Variants in ITPR3 observed in about 807,000 individuals in gnomAD.
The protein encoded by ITPR3 is inositol 1,4,5-trisphosphate-gated calcium channel ITPR3.
In ITPR3, 173 loss-of-function variants were observed where a neutral mutation model predicts 293.2. The observed-to-expected ratio is 0.59, with a 90% CI of 0.52 to 0.67. The LOEUF is 0.67. ITPR3 is among the 30% of genes least tolerant of loss of function. The pLI is 0.00. For missense variants in ITPR3, 2,796 were observed against 3,592.1 expected, an observed-to-expected ratio of 0.78 and a Z score of 5.66; for synonymous variants, 1,295 against 1,444.4, an observed-to-expected ratio of 0.90 and a Z score of 2.35.
intron 27 of ITPR3, 37 bp from the exon 28 acceptor site, chr6:33,677,467 T>C (rs1164487751): frequency 1.2e-6 from 2 of 1,609,284 alleles, no homozygotes; most frequent in Non-Finnish European, 1.7e-6. Flanking sequence ...GCCTGAGAAG[T>C]AGGGAAGGGG....
intron 1 of ITPR3, among the ~76,000 whole-genome samples, chr6:33,630,087 C>CA (rs1180681597): frequency 4.8e-4 from 72 of 150,302 alleles, no homozygotes; most frequent in African/African-American, 1.5e-3. Flanking sequence ...GAGACTCCGT[C>CA]AAAAAAAAAG....
chr6:33,640,312 G>A (rs1460378732), intron 1 of ITPR3, among the ~76,000 whole-genome samples, 172 bp from the exon 2 acceptor site: 1 of 152,164 alleles, frequency 6.6e-6, no homozygotes, highest in Non-Finnish European at 1.5e-5. Context: ...GAGACACCTT[G>A]CCTTTCAACG....
In ITPR3 at chr6:33,683,183, A is replaced by G. The variant is rs767837123; in HGVS notation, c.4598-24A>G. The G allele has an allele frequency of 6.1e-6, 9 of 1,485,232 alleles. No homozygotes were observed. Among genetic ancestry groups the G allele is most frequent in the Non-Finnish European group, 8.1e-6 (9 of 1,107,374 alleles). 92.0% of individuals were successfully genotyped at this position (1,485,232 alleles called of 1,614,324 possible). A position where few individuals can be genotyped will look rare whatever the true frequency, so the allele number is the denominator to read the frequency against. ...TGAACTGCCCCCGCACCAGCACTCC[A>G]GCACTCCCTCCCTTCCCACCCAGCC... is the stretch of plus-strand genomic sequence containing the variant. On this transcript the variant is annotated intron_variant, in intron 34 of 57. Transcript: ENST00000605930. This position sits in a 1 kb window ranked among gnomAD's most constrained non-coding sequence, Gnocchi z 4.5.
intron 1 of ITPR3, among the ~76,000 whole-genome samples, chr6:33,639,406 C>A (rs558728337): frequency 8.6e-5 from 13 of 151,442 alleles, no homozygotes; most frequent in African/African-American, 2.9e-4. Context: ...CAGAAAAGAC[C>A]TTGTTAACCA....
At chr6:33,625,450 A>G (rs1207779836) in intron 1 of ITPR3, among the ~76,000 whole-genome samples, 1 of 152,074 alleles carries the variant, frequency 6.6e-6, no homozygotes, top group African/African-American at 2.4e-5. Flanking sequence ...GCTGGTCTCA[A>G]ACTCCCGACC....
At chr6:33,642,484 C>T (rs1054064437) in intron 2 of ITPR3, among the ~76,000 whole-genome samples, 1 of 151,912 alleles carries the variant, frequency 6.6e-6, no homozygotes, top group Non-Finnish European at 1.5e-5. Context: ...GCATGTGTGT[C>T]GAGGTGTGTG....
At chr6:33,639,748 G>T (rs1732559310) in intron 1 of ITPR3, among the ~76,000 whole-genome samples, 1 of 152,016 alleles carries the variant, frequency 6.6e-6, no homozygotes, top group Non-Finnish European at 1.5e-5. Flanking sequence ...ATAGATGGAT[G>T]ATTGGGGGCT....
chr6:33,628,378 CT>C (rs368228521), intron 1 of ITPR3, among the ~76,000 whole-genome samples: 24 of 152,348 alleles, frequency 1.6e-4, no homozygotes, highest in African/African-American at 5.1e-4. Context: ...TCTGAGCCCC[CT>C]GGGTATGTCA....
chr6:33,692,580 T>A lies in ITPR3; in HGVS notation c.7459-148T>A. The A allele has an allele frequency of 1.4e-6, 1 of 705,864 alleles. No homozygotes were observed. The allele number at this position is 705,864 out of a possible 1,614,324, so 43.7% of individuals were successfully genotyped here. On this transcript the variant is annotated intron_variant, in intron 54 of 57. Transcript: ENST00000605930. The surrounding 1 kb of genome is among the most constrained non-coding windows in gnomAD (Gnocchi z 4.2). ...GAGCCAGGTTGGGTCCACTCTGCCA[T>A]CTGATGGCCCCCAGGCCAGAGGCCC...
At position 33,668,077 on chromosome 6, in the gene ITPR3, T is replaced by C. The variant is rs4713651; in HGVS notation, c.1886+113T>C. 986,890 of 1,176,478 alleles carry C rather than the reference T, an allele frequency of 0.84. 414,753 individuals carry two copies. Among genetic ancestry groups the C allele is most frequent in the South Asian group, 0.93 (65,295 of 69,888 alleles). 72.9% of individuals were successfully genotyped at this position (1,176,478 alleles called of 1,614,324 possible). ...CTGCACCTGTTGGTAACTGCCACCC[T>C]GAATAGCACTGGGTGGCTCAGCACT... On this transcript the variant is annotated intron_variant, in intron 16 of 57. Coordinates refer to ENST00000605930, the MANE Select transcript of ITPR3 (RefSeq NM_002224.4).
chr6:33,659,406 C>G, intron 6 of ITPR3, 60 bp from the exon 7 acceptor site: 1 of 1,463,852 alleles, frequency 6.8e-7, no homozygotes, highest in Non-Finnish European at 9.6e-7. Context: ...TTCAGCCCTG[C>G]TCTGGGCCCT....
intron 1 of ITPR3, among the ~76,000 whole-genome samples, chr6:33,636,214 A>G (rs1483657760): frequency 6.6e-6 from 1 of 151,546 alleles, no homozygotes; most frequent in Non-Finnish European, 1.5e-5. Flanking sequence ...AGGCAGGAGA[A>G]TTGCTTGAAC....
At position 33,677,523 on chromosome 6, in the gene ITPR3, A is replaced by G; in HGVS notation, c.3542A>G (p.Lys1181Arg). ...CTGCAGATCCTGGAAAGGCTGAACAAGATGTGCGGGGTTGGGGAGCAAATG... is the reference window on the plus strand; with the variant it reads ...CTGCAGATCCTGGAAAGGCTGAACAGGATGTGCGGGGTTGGGGAGCAAATG... ...IVKGILERLNKMCGVGEQMRK... is the reference protein window; with the variant it reads ...IVKGILERLNRMCGVGEQMRK... The change falls in exon 28 of 58, where the codon AAG (lysine) becomes AGG (arginine). Residue 1181 changes from lysine to arginine, a missense_variant. Physicochemically the swap from Lys to Arg is conservative, Grantham distance 26. Around this residue, in one of 8 missense-constraint regions of ITPR3, gnomAD observed 344 missense variants for 460.3 expected, o/e 0.75. Coordinates refer to ENST00000605930, the MANE Select transcript of ITPR3 (RefSeq NM_002224.4). The G allele has an allele frequency of 1.2e-6, 2 of 1,613,972 alleles. No individual in the cohort carries two copies. Among genetic ancestry groups the G allele is most frequent in the East Asian group, 4.5e-5 (2 of 44,872 alleles).
Position 33,678,705 on chromosome 6 carries a change from G to A in ITPR3, c.3838G>A (p.Glu1280Lys), listed in dbSNP as rs750400214. 3.7e-6 allele frequency: 6 copies of A among 1,613,242 alleles called. No individual in the cohort carries two copies. Among genetic ancestry groups the A allele is most frequent in the African/African-American group, 1.3e-5 (1 of 74,930 alleles). ...CTATCAGCTCTGCTCCGAGATCAGC[G>A]AGCCTGTGTTGCAGCACTTCGTGCA... Reference protein sequence around the residue: ...NNYQLCSEISEPVLQHFVHLL... With the variant: ...NNYQLCSEISKPVLQHFVHLL... The change falls in exon 30 of 58, where the codon GAG becomes AAG. Residue 1280 changes from glutamate (E) to lysine (K), a missense_variant. Glu to Lys is a moderately conservative substitution (Grantham distance 56, BLOSUM62 1). Transcript: ENST00000605930.
rs139015128 is a variant in ITPR3, at chr6:33,674,760, T to C, written c.3116+495T>C. Among the ~76,000 whole-genome samples the C allele has an allele frequency of 4.8e-3, 737 of 152,332 alleles. 4 individuals carry two copies. Among genetic ancestry groups the C allele is most frequent in the African/African-American group, 0.016 (675 of 41,560 alleles). On this transcript the variant is annotated intron_variant, in intron 24 of 57. Coordinates refer to ENST00000605930, the MANE Select transcript of ITPR3 (RefSeq NM_002224.4). ...CACATAACAAGACAAAGGGAACCAG[T>C]GGCTTGGAGCGAGTTATCAAAATAT...
In ITPR3 at chr6:33,682,810, G is replaced by A. The variant is rs1294060645; in HGVS notation, c.4597+166G>A. On this transcript the variant is annotated intron_variant, in intron 34 of 57. Coordinates refer to ENST00000605930, the MANE Select transcript of ITPR3 (RefSeq NM_002224.4). This position sits in a 1 kb window ranked among gnomAD's most constrained non-coding sequence, Gnocchi z 5.4. ...GCGTCTGCCTCATCCTGGCAATTGA[G>A]AGAAGCTGTTTTCTCCTCTGGGTCA... Among the ~76,000 whole-genome samples the A allele has an allele frequency of 6.6e-6, 1 of 152,188 alleles. No homozygotes were observed. The highest frequency in any genetic ancestry group is 2.4e-5 in the African/African-American group (1 of 41,428).
chr6:33,682,567 GCCT>G lies in ITPR3; in HGVS notation c.4525_4527del (p.Leu1509del). ...GTGCAGCTGCTGCAGTCTACCACACGCCTCCTCGAGTGTCCGTGGCTACAGCAG... is the reference window on the plus strand; with the variant it reads ...GTGCAGCTGCTGCAGTCTACCACACGCCTCGAGTGTCCGTGGCTACAGCAG... On this transcript the variant is annotated inframe_deletion, in exon 34 of 58. Transcript: ENST00000605930. This position sits in a 1 kb window ranked among gnomAD's most constrained non-coding sequence, Gnocchi z 5.4. The G allele has an allele frequency of 1.3e-6, 2 of 1,583,928 alleles. No homozygotes were observed. The highest frequency in any genetic ancestry group is 4.8e-5 in the East Asian group (2 of 41,996).
At position 33,684,658 on chromosome 6, in the gene ITPR3, C is replaced by G. The variant is rs371620885; in HGVS notation, c.5107C>G (p.Arg1703Gly). 5 of 1,614,076 alleles carry G rather than the reference C, an allele frequency of 3.1e-6. No homozygotes were observed. The highest frequency in any genetic ancestry group is 2.2e-5 in the South Asian group (2 of 91,074). ...NYLQNRKSTS[R>G]GDLPDPIGTG... ...CCTCCAGAACCGGAAGTCCACCTCGCGGGGGGACCTTCCCGACCCCATAGG... is the reference window on the plus strand; with the variant it reads ...CCTCCAGAACCGGAAGTCCACCTCGGGGGGGGACCTTCCCGACCCCATAGG... Residue 1703 changes from arginine (R) to glycine (G), a missense_variant, in exon 38 of 58, where the codon CGG becomes GGG. This residue lies in a region of ITPR3 where 704 missense variants were observed against 797.5 expected (regional missense o/e 0.88). Coordinates refer to ENST00000605930, the MANE Select transcript of ITPR3 (RefSeq NM_002224.4). The surrounding 1 kb of genome is among the most constrained non-coding windows in gnomAD (Gnocchi z 4.2).
chr6:33,678,474 G>T lies in ITPR3; in HGVS notation c.3702G>T (p.Lys1234Asn). The T allele has an allele frequency of 6.2e-7, 1 of 1,613,502 alleles. No homozygotes were observed. The highest frequency in any genetic ancestry group is 8.5e-7 in the Non-Finnish European group (1 of 1,179,942). ...ILRYTHQFLQ[K>N]FCAGNPGNQA... Reference sequence around the variant, plus strand: ...GCTACACGCACCAGTTCCTGCAGAAGTTCTGTGCAGGGAACCCCGGCAACC... The same window carrying T: ...GCTACACGCACCAGTTCCTGCAGAATTTCTGTGCAGGGAACCCCGGCAACC... The change falls in exon 29 of 58, where the codon AAG becomes AAT. Residue 1234 changes from lysine to asparagine, a missense_variant. Physicochemically the swap from Lys to Asn is moderately conservative, Grantham distance 94 (BLOSUM62 0). This residue lies in a region of ITPR3 where 344 missense variants were observed against 460.3 expected (regional missense o/e 0.75). Coordinates refer to ENST00000605930, the MANE Select transcript of ITPR3 (RefSeq NM_002224.4).
Sources: allele counts gnomAD v4.1 joint callset (sites outside exome capture counted in the v4.1 genomes callset), GRCh38; gene constraint gnomAD v4.1.1; regional missense constraint gnomAD v4.1.1; non-coding constraint Gnocchi (gnomAD v3.1); transcripts MANE v1.5; gene names NCBI Gene and HGNC (gene_info 2026-07-23, HGNC 2026-07-21).